The following NXPE1 variants were observed in gnomAD, a reference collection of about 807,000 sequenced individuals.
The protein encoded by NXPE1 is NXPE family member 1.
NXPE1 carries 31 observed loss-of-function variants against 33.3 expected under a neutral mutation model. The ratio of observed to expected loss-of-function variants is 0.93; its 90% CI spans 0.70 to 1.26. The LOEUF (loss-of-function observed/expected upper bound fraction) is 1.26. Ranked by LOEUF, NXPE1 falls within the 50% of genes most tolerant of loss-of-function variation. NXPE1 has a pLI of 0.00. For missense variants in NXPE1, 661 were observed against 655.6 expected, an observed-to-expected ratio of 1.01 and a Z score of -0.09; for synonymous variants, 229 against 231.4, an observed-to-expected ratio of 0.99 and a Z score of 0.09.
chr11:114,546,311 A>C (rs934712814), intron 5 of NXPE1, among the ~76,000 whole-genome samples: 2 of 152,150 alleles, frequency 1.3e-5, no homozygotes, highest in Admixed American at 6.5e-5. Context: ...TTGATGTGGT[A>C]GGTGAAGGCT....
At chr11:114,519,202 T>C (rs148945703), downstream of NXPE1, among the ~76,000 whole-genome samples, 6 of 147,122 alleles carry the variant, frequency 4.1e-5, no homozygotes, top group Admixed American at 2.0e-4. Flanking sequence ...TTTCTAAAGA[T>C]ACTTTACAGA....
chr11:114,542,496 AAT>A (rs1325947960), intron 5 of NXPE1, among the ~76,000 whole-genome samples: 1 of 152,192 alleles, frequency 6.6e-6, no homozygotes, highest in Non-Finnish European at 1.5e-5. Flanking sequence ...GCTTACAAGG[AAT>A]AGAGAATAGT....
chr11:114,521,789 G>T (rs1947217019), exon 9 of NXPE1: 4 of 548,104 alleles, frequency 7.3e-6, no homozygotes, highest in Admixed American at 3.5e-5. Context: ...CTTCATGAAT[G>T]ATTCTCTTGG....
Position 114,552,846 on chromosome 11 carries a change from A to G in NXPE1, c.-182+6T>C, listed in dbSNP as rs1948543699. On this transcript the variant is annotated splice_donor_region_variant and intron_variant, in intron 2 of 8. Coordinates refer to ENST00000534921, the Ensembl canonical transcript of NXPE1. ...AAACTTATTCTGTAAAATACTGGGT[A>G]CTTACCCAATAGGTGTCAGGTAGCA... 1.0e-6 allele frequency: 1 copy of G among 971,472 alleles called. No homozygotes were observed. The highest frequency in any genetic ancestry group is 1.8e-5 in the African/African-American group (1 of 56,864). The allele number at this position is 971,472 out of a possible 1,614,324, so 60.2% of individuals were successfully genotyped here.
intron 7 of NXPE1, among the ~76,000 whole-genome samples, chr11:114,525,686 G>A (rs890836500): frequency 3.9e-5 from 6 of 152,162 alleles, no homozygotes; most frequent in Non-Finnish European, 7.3e-5. Flanking sequence ...GGCTTGAGTT[G>A]TAAAACCTGT....
At chr11:114,540,858 T>TGGC (rs1948071103) in intron 5 of NXPE1, among the ~76,000 whole-genome samples, 2 of 64,220 alleles carry the variant, frequency 3.1e-5, no homozygotes, top group South Asian at 7.0e-4. Context: ...TTTTTTTTTT[T>TGGC]TTTTTTTTTT....
Position 114,557,754 on chromosome 11 carries a change from G to T in NXPE1, c.-211+2044C>A, listed in dbSNP as rs553317677. Among the ~76,000 whole-genome samples the T allele has an allele frequency of 1.5e-4, 23 of 150,210 alleles. No individual in the cohort carries two copies. In the South Asian group the frequency reaches 4.9e-3, roughly 32 times the overall value. On this transcript the variant is annotated intron_variant, in intron 1 of 8. Transcript: ENST00000534921. ...TGCCGTTCTCTACTGTCATTTGGGA[G>T]AATTTATCTTCTGCTTCAAGAACTA...
At chr11:114,552,861 G>T in exon 2 of NXPE1, 1 of 976,724 alleles carries the variant, frequency 1.0e-6, no homozygotes, top group Non-Finnish European at 1.2e-6. Context: ...CCCAATAGGT[G>T]TCAGGTAGCA....
At chr11:114,549,153 CAA>C (rs1948380973) in intron 5 of NXPE1, among the ~76,000 whole-genome samples, 1 of 151,792 alleles carries the variant, frequency 6.6e-6, no homozygotes, top group African/African-American at 2.4e-5. Context: ...ACTGAATGCA[CAA>C]AGCCAGGCTG....
intron 5 of NXPE1, among the ~76,000 whole-genome samples, chr11:114,543,269 T>G (rs1948165565): frequency 6.6e-6 from 1 of 151,974 alleles, no homozygotes; most frequent in Non-Finnish European, 1.5e-5. Flanking sequence ...GGCAGGAGAA[T>G]TGCTTGAACC....
At chr11:114,543,131 G>A (rs945384583) in intron 5 of NXPE1, among the ~76,000 whole-genome samples, 8 of 151,482 alleles carry the variant, frequency 5.3e-5, no homozygotes, top group Non-Finnish European at 8.8e-5. Flanking sequence ...TGAGGCAGGC[G>A]GATCAGTTGA....
chr11:114,550,150 T>G (rs1948423641), intron 5 of NXPE1, among the ~76,000 whole-genome samples: 1 of 152,144 alleles, frequency 6.6e-6, no homozygotes, highest in African/African-American at 2.4e-5. Context: ...CAAGGTTAAC[T>G]TATACATTTA....
chr11:114,550,870 G>C (rs1168279751), intron 5 of NXPE1, among the ~76,000 whole-genome samples: 4 of 152,174 alleles, frequency 2.6e-5, no homozygotes, highest in Admixed American at 2.6e-4. Flanking sequence ...CATTTTGGGA[G>C]CGTGTGCAAG....
chr11:114,551,534 A>G (rs1436267934), intron 3 of NXPE1, 93 bp from the exon 4 acceptor site: 1 of 440,904 alleles, frequency 2.3e-6, no homozygotes, highest in Non-Finnish European at 3.1e-6. Flanking sequence ...GAGAAGCAGA[A>G]AACTTAATTC....
chr11:114,551,169 C>A lies in NXPE1; in HGVS notation c.33G>T (p.Leu11=), dbSNP rs1397167491. The change falls in exon 5 of 9, where the codon CTG becomes CTT. Residue 11 remains leucine, a synonymous_variant. Coordinates refer to ENST00000534921, the Ensembl canonical transcript of NXPE1. ...CTACTGAAAAAGAGATCAAGATCAG[C>A]AGCGTTTTTTGAAGCATTGTATTTG... The A allele has an allele frequency of 3.3e-6, 5 of 1,535,196 alleles. No individual in the cohort carries two copies. The East Asian group carries it at 1.2e-4, about 38-fold the overall frequency.
intron 1 of NXPE1, chr11:114,554,140 G>C: frequency 6.1e-6 from 6 of 985,410 alleles, no homozygotes; most frequent in Non-Finnish European, 7.2e-6. Flanking sequence ...TCCTCAGACA[G>C]GATTGAATCA....
At chr11:114,539,136 A>G (rs1408987875) in intron 5 of NXPE1, among the ~76,000 whole-genome samples, 2 of 152,188 alleles carry the variant, frequency 1.3e-5, no homozygotes, top group Non-Finnish European at 2.9e-5. Context: ...CTTTTTAGGG[A>G]CATGGATGAA....
exon 6 of NXPE1, chr11:114,530,253 C>T (rs767803372): frequency 4.3e-6 from 7 of 1,613,848 alleles, no homozygotes. Flanking sequence ...CAGAGCCTCA[C>T]AGGGCATGTG....
intron 5 of NXPE1, among the ~76,000 whole-genome samples, chr11:114,550,339 T>C (rs1277559695): frequency 6.6e-6 from 1 of 152,114 alleles, no homozygotes; most frequent in African/African-American, 2.4e-5. Flanking sequence ...CTTGTAAAAA[T>C]CTTTGTAATT....
Sources: allele counts gnomAD v4.1 joint callset (sites outside exome capture counted in the v4.1 genomes callset), GRCh38; gene constraint gnomAD v4.1.1; transcripts MANE v1.5; gene names NCBI Gene and HGNC (gene_info 2026-07-23, HGNC 2026-07-21).